OR14I1: variants seen among roughly 807,000 people sequenced by gnomAD.
OR14I1 encodes the protein olfactory receptor family 14 subfamily I member 1, also known as olfactory receptor 14I1.
For missense variants in OR14I1, 279 were observed against 181.8 expected, an observed-to-expected ratio of 1.53 and a Z score of -3.07; for synonymous variants, 118 against 71.1, an observed-to-expected ratio of 1.66 and a Z score of -3.32.
the OR14I1 span, among the ~76,000 whole-genome samples, chr1:248,689,775 A>C: frequency 6.6e-6 from 1 of 152,222 alleles, no homozygotes; most frequent in African/African-American, 2.4e-5. Context: ...CAGAATATAC[A>C]TTCTTCTCAG....
chr1:248,701,940 TG>T, the OR14I1 span, among the ~76,000 whole-genome samples: 9 of 152,048 alleles, frequency 5.9e-5, no homozygotes, highest in African/African-American at 2.2e-4. Flanking sequence ...GAAGCATGGC[TG>T]GGGGGCCTCA....
chr1:248,681,190 C>T (rs547151595), downstream of OR14I1, among the ~76,000 whole-genome samples: 1 of 151,948 alleles, frequency 6.6e-6, no homozygotes, highest in Non-Finnish European at 1.5e-5. Context: ...TTTGAAGAAA[C>T]ATTTGCATTT....
chr1:248,684,964 C>T (rs1162563743), upstream of OR14I1, among the ~76,000 whole-genome samples: 2 of 152,026 alleles, frequency 1.3e-5, no homozygotes, highest in Non-Finnish European at 2.9e-5. Context: ...AGTGCTCGTT[C>T]TTAAAAATCA....
the OR14I1 span, among the ~76,000 whole-genome samples, chr1:248,699,391 G>A: frequency 6.6e-6 from 1 of 152,370 alleles, no homozygotes; most frequent in East Asian, 1.9e-4. Flanking sequence ...GGTAAAAGTA[G>A]AAGACTGTGG....
chr1:248,690,030 G>A, the OR14I1 span, among the ~76,000 whole-genome samples: 1 of 152,168 alleles, frequency 6.6e-6, no homozygotes, highest in Admixed American at 6.5e-5. Flanking sequence ...TGAAACCAAT[G>A]AGAACAAAGA....
upstream of OR14I1, among the ~76,000 whole-genome samples, chr1:248,682,555 C>T (rs1469631204): frequency 6.6e-6 from 1 of 152,068 alleles, no homozygotes; most frequent in African/African-American, 2.4e-5. Context: ...TACTGTTTTT[C>T]TATTATATGG....
At chr1:248,692,642 G>A in the OR14I1 span, 1 of 152,440 alleles carries the variant, frequency 6.6e-6, no homozygotes, top group Non-Finnish European at 1.5e-5. Context: ...AGCAGACACG[G>A]CTCCTGCCCT....
exon 1 of OR14I1, chr1:248,681,560 A>G (rs1429938997): frequency 6.4e-6 from 5 of 780,950 alleles, no homozygotes; most frequent in Non-Finnish European, 1.2e-5. Context: ...GTGGTAAGAA[A>G]GAGCATGATG....
exon 1 of OR14I1, chr1:248,681,681 G>A: frequency 1.3e-6 from 1 of 781,022 alleles, no homozygotes; most frequent in Admixed American, 1.7e-5. Context: ...TGAGAATAAA[G>A]CATCCCAGAA....
chr1:248,699,535 T>C, the OR14I1 span, among the ~76,000 whole-genome samples: 2 of 152,012 alleles, frequency 1.3e-5, no homozygotes, highest in Admixed American at 1.3e-4. Flanking sequence ...CTGAAATTAA[T>C]GGTAGGAGGA....
At chr1:248,680,664 C>T (rs1223417409), downstream of OR14I1, among the ~76,000 whole-genome samples, 1 of 152,154 alleles carries the variant, frequency 6.6e-6, no homozygotes, top group Non-Finnish European at 1.5e-5. Flanking sequence ...TGTATTAACA[C>T]ATTGAATATT....
the OR14I1 span, among the ~76,000 whole-genome samples, chr1:248,701,293 A>G: frequency 2.6e-5 from 4 of 152,258 alleles, no homozygotes; most frequent in Admixed American, 2.0e-4. Context: ...CTGGGATTAC[A>G]GGTGCCTGCC....
chr1:248,702,104 G>A, the OR14I1 span, among the ~76,000 whole-genome samples: 1 of 152,074 alleles, frequency 6.6e-6, no homozygotes, highest in Non-Finnish European at 1.5e-5. Context: ...CAACAAGGGA[G>A]AAATCCACCC....
chr1:248,681,441 A>G lies in OR14I1; in HGVS notation c.864T>C (p.Tyr288=), dbSNP rs143542968. ...TTTTAATCTCCTTATTCCTAAGACT[A>G]TATATGATGGGATTGAGGAAGGGAG... Residue 288 remains tyrosine, a synonymous_variant, in exon 1 of 1, where the codon TAT becomes TAC. Coordinates refer to ENST00000342623, the Ensembl canonical transcript of OR14I1. The G allele has an allele frequency of 9.0e-6, 7 of 780,866 alleles. No individual in the cohort carries two copies. The African/African-American group carries it at 1.2e-4, about 13-fold the overall frequency. 48.4% of individuals were successfully genotyped at this position (780,866 alleles called of 1,614,324 possible).
At chr1:248,685,482 T>A (rs1344947326), upstream of OR14I1, among the ~76,000 whole-genome samples, 2 of 151,894 alleles carry the variant, frequency 1.3e-5, no homozygotes, top group African/African-American at 4.8e-5. Context: ...TGTACAGGAG[T>A]ATACTATCTC....
At chr1:248,685,289 C>T (rs770945792), upstream of OR14I1, among the ~76,000 whole-genome samples, 1 of 152,128 alleles carries the variant, frequency 6.6e-6, no homozygotes, top group Non-Finnish European at 1.5e-5. Flanking sequence ...TACTATTTAA[C>T]AATGCAGAGT....
At chr1:248,701,097 A>G in the OR14I1 span, among the ~76,000 whole-genome samples, 1 of 152,226 alleles carries the variant, frequency 6.6e-6, no homozygotes, top group Non-Finnish European at 1.5e-5. Context: ...AAAAGATATG[A>G]CACTATATTG....
upstream of OR14I1, among the ~76,000 whole-genome samples, chr1:248,685,516 A>C (rs1326938737): frequency 6.6e-6 from 1 of 152,162 alleles, no homozygotes; most frequent in East Asian, 1.9e-4. Context: ...CTATCGGTAG[A>C]TGTAAAATTC....
chr1:248,684,789 CAGAT>C (rs918381247), upstream of OR14I1, among the ~76,000 whole-genome samples: 10 of 147,622 alleles, frequency 6.8e-5, no homozygotes, highest in African/African-American at 2.7e-4. Flanking sequence ...CACACACACA[CAGAT>C]AAGCTTGTAT....
Sources: gnomAD v4.1 joint callset for allele counts (sites outside exome capture counted in the v4.1 genomes callset) on GRCh38, gnomAD v4.1.1 for gene constraint, MANE v1.5 for transcripts, NCBI Gene and HGNC (gene_info 2026-07-23, HGNC 2026-07-21) for gene names.